Variants in ADGB observed in about 807,000 individuals in gnomAD.
ADGB encodes calpain-7-like protein.
Under a neutral mutation model 210.5 loss-of-function variants are expected in ADGB, and 172 were observed. That is an observed-to-expected ratio of 0.82 (90% CI 0.72 to 0.93). ADGB has a LOEUF of 0.93. Ranked by LOEUF, ADGB falls within the 40% of genes least tolerant of loss-of-function variation. ADGB has a pLI of 0.00. For synonymous variants in ADGB, 658 were observed against 662.7 expected (o/e 0.99, Z 0.11); for missense variants, 2,025 against 1,964.8 (o/e 1.03, Z -0.58).
chr6:146,611,380 G>A (rs1353092135), intron 1 of ADGB, among the ~76,000 whole-genome samples: 1 of 151,996 alleles, frequency 6.6e-6, no homozygotes, highest in Non-Finnish European at 1.5e-5. Flanking sequence ...TTGAGGGCTG[G>A]GCTCCACTGC....
chr6:146,632,620 T>G (rs965388253), intron 1 of ADGB, among the ~76,000 whole-genome samples: 2 of 152,134 alleles, frequency 1.3e-5, no homozygotes, highest in African/African-American at 4.8e-5. Flanking sequence ...CCCTTACATA[T>G]AGAGTACCAG....
At position 146,716,955 on chromosome 6, in the gene ADGB, T is replaced by G. The variant is rs1562281984; in HGVS notation, c.1814T>G (p.Ile605Arg). 1.3e-6 allele frequency: 2 copies of G among 1,551,460 alleles called. No homozygotes were observed. The highest frequency in any genetic ancestry group is 2.0e-5 in the Admixed American group (1 of 50,986). ...QSDGLNLERE[I>R]VSQTTATQEK... Reference sequence around the variant, plus strand: ...GATGGATTAAACTTGGAAAGAGAGATAGTCAGCCAGACCACAGCAACACAG... The same window carrying G: ...GATGGATTAAACTTGGAAAGAGAGAGAGTCAGCCAGACCACAGCAACACAG... The change falls in exon 15 of 36, where the codon ATA becomes AGA. Residue 605 changes from isoleucine (I) to arginine (R), a missense_variant. Physicochemically the swap from Ile to Arg is moderately conservative, Grantham distance 97. Transcript: ENST00000397944.
intron 28 of ADGB, among the ~76,000 whole-genome samples, chr6:146,766,033 A>G (rs1403067122): frequency 2.0e-5 from 3 of 152,140 alleles, no homozygotes; most frequent in Non-Finnish European, 4.4e-5. Flanking sequence ...AGAACAAAAA[A>G]TTAGGGTGGA....
intron 9 of ADGB, among the ~76,000 whole-genome samples, chr6:146,677,033 C>A (rs1405765081): frequency 6.6e-6 from 1 of 152,136 alleles, no homozygotes; most frequent in Non-Finnish European, 1.5e-5. Flanking sequence ...GTTTCTCTAT[C>A]ACTTAAAATC....
At chr6:146,719,231 A>G (rs1311709363) in intron 16 of ADGB, among the ~76,000 whole-genome samples, 1 of 152,186 alleles carries the variant, frequency 6.6e-6, no homozygotes, top group East Asian at 1.9e-4. Flanking sequence ...GTAATAATAA[A>G]TGTTGGCTGC....
intron 32 of ADGB, 67 bp downstream of exon 32, chr6:146,785,779 T>A (rs1777864159): frequency 8.7e-7 from 1 of 1,148,260 alleles, no homozygotes; most frequent in Non-Finnish European, 1.3e-6. Context: ...CTTAAAAAAA[T>A]AATCAGTGGG....
At chr6:146,739,734 C>T (rs1777136150) in intron 23 of ADGB, among the ~76,000 whole-genome samples, 1 of 152,172 alleles carries the variant, frequency 6.6e-6, no homozygotes, top group African/African-American at 2.4e-5. Flanking sequence ...TCCATCCCAG[C>T]TAATACCTGA....
chr6:146,724,433 A>T, intron 18 of ADGB, 106 bp downstream of exon 18: 1 of 1,206,624 alleles, frequency 8.3e-7, no homozygotes, highest in East Asian at 2.8e-5. Flanking sequence ...TTGTTTCTCA[A>T]AGCAATTTCT....
intron 29 of ADGB, among the ~76,000 whole-genome samples, chr6:146,774,672 T>C (rs1357582557): frequency 6.6e-6 from 1 of 152,218 alleles, no homozygotes; most frequent in Non-Finnish European, 1.5e-5. Flanking sequence ...TTAAAGCATG[T>C]CTATATGTCA....
In ADGB at chr6:146,599,008, C is replaced by G. The variant is rs767383876; in HGVS notation, c.-33C>G. The stretch of plus-strand genomic sequence containing the variant: ...CGAGCGCGCCCGCAGGCTCTTTGCT[C>G]AGAGCTCAGCCCTACATAGATCGGC... On this transcript the variant is annotated 5_prime_UTR_variant, in exon 1 of 36. Coordinates refer to ENST00000397944, the MANE Select transcript of ADGB (RefSeq NM_024694.4). The G allele has an allele frequency of 2.0e-6, 3 of 1,537,420 alleles. No homozygotes were observed. The highest frequency in any genetic ancestry group is 3.9e-5 in the Admixed American group (2 of 50,794).
At chr6:146,792,089 T>G (rs1777963536) in intron 33 of ADGB, among the ~76,000 whole-genome samples, 1 of 152,130 alleles carries the variant, frequency 6.6e-6, no homozygotes, top group Non-Finnish European at 1.5e-5. Context: ...TTTGTTGATG[T>G]GTCTGTTTTT....
In ADGB at chr6:146,716,818, T is replaced by C. The variant is rs938867865; in HGVS notation, c.1742-65T>C. The C allele has an allele frequency of 2.9e-6, 4 of 1,391,656 alleles. No homozygotes were observed. In the Admixed American group the frequency reaches 8.4e-5, roughly 29 times the overall value. 86.2% of individuals were successfully genotyped at this position (1,391,656 alleles called of 1,614,324 possible). A position where few individuals can be genotyped will look rare whatever the true frequency, so the allele number is the denominator to read the frequency against. ...TTGATATTTAAGTTTCCCTTTATCA[T>C]TTTACATATTTCAATAACTTGTTAT... On this transcript the variant is annotated intron_variant, in intron 14 of 35. Transcript: ENST00000397944.
In ADGB at chr6:146,784,623, C is replaced by G; in HGVS notation, c.4041C>G (p.Ser1347=). 6.5e-7 allele frequency: 1 copy of G among 1,536,924 alleles called. No individual in the cohort carries two copies. Among genetic ancestry groups the G allele is most frequent in the Non-Finnish European group, 8.8e-7 (1 of 1,140,972 alleles). Residue 1347 remains serine (S), a synonymous_variant, in exon 31 of 36, where the codon TCC becomes TCG. Transcript: ENST00000397944. Reference sequence around the variant, plus strand: ...AAAGGTTTTTATTTTATCAGATATCCACTGTTCACCCTCAACAAGAAGACC... The same window carrying G: ...AAAGGTTTTTATTTTATCAGATATCGACTGTTCACCCTCAACAAGAAGACC... The part of the protein sequence containing the change: ...KQAPRFEPQI[S]TVHPQQEDPN...
At chr6:146,663,143 TTATAAA>T (rs1482288053) in intron 5 of ADGB, among the ~76,000 whole-genome samples, 5 of 141,216 alleles carry the variant, frequency 3.5e-5, no homozygotes, top group Non-Finnish European at 6.1e-5. Context: ...ATATATATAA[TTATAAA>T]TATATAATAT....
Position 146,805,618 on chromosome 6 carries a change from T to C in ADGB, c.4818+3607T>C, listed in dbSNP as rs767863144. On this transcript the variant is annotated intron_variant, in intron 35 of 35. Coordinates refer to ENST00000397944, the MANE Select transcript of ADGB (RefSeq NM_024694.4). ...TTATCCACCTTTTGCCTAGGTGACT[T>C]TGCCTTTCCACTAACAGCAAGGCAT... 9.8e-5 allele frequency among the ~76,000 whole-genome samples: 15 copies of C among 152,292 alleles called. No individual in the cohort carries two copies. In the South Asian group the frequency reaches 1.5e-3, roughly 15 times the overall value.
intron 1 of ADGB, among the ~76,000 whole-genome samples, chr6:146,623,642 A>C (rs1231801111): frequency 6.6e-6 from 1 of 151,846 alleles, no homozygotes; most frequent in Non-Finnish European, 1.5e-5. Context: ...TGCAAATGAG[A>C]ATGTATATTC....
intron 29 of ADGB, among the ~76,000 whole-genome samples, chr6:146,772,997 C>T (rs7752554): frequency 0.011 from 1,727 of 152,144 alleles, 24 homozygotes; most frequent in African/African-American, 0.039. Context: ...CTGGGCATCA[C>T]GTGTGCCTAA....
chr6:146,607,176 A>G (rs757211348), intron 1 of ADGB, among the ~76,000 whole-genome samples: 31 of 152,056 alleles, frequency 2.0e-4, no homozygotes, highest in Non-Finnish European at 2.5e-4. Flanking sequence ...ATGGGATTGC[A>G]TTTTTAATTT....
chr6:146,667,953 G>C (rs1339340837), intron 7 of ADGB, among the ~76,000 whole-genome samples: 1 of 151,936 alleles, frequency 6.6e-6, no homozygotes. Flanking sequence ...AGTCTTGCTG[G>C]TCCAAAGCCC....
Sources: allele counts gnomAD v4.1 joint callset (sites outside exome capture counted in the v4.1 genomes callset), GRCh38; gene constraint gnomAD v4.1.1; transcripts MANE v1.5; gene names NCBI Gene and HGNC (gene_info 2026-07-23, HGNC 2026-07-21).